NRXN3: variants seen among roughly 807,000 people sequenced by gnomAD.
NRXN3 encodes neurexin 3.
Under a neutral mutation model 137.6 loss-of-function variants are expected in NRXN3, and 32 were observed. The observed-to-expected ratio is 0.23, with a 90% CI of 0.18 to 0.31. The LOEUF is 0.31. Ranked by LOEUF, NRXN3 falls within the 10% of genes least tolerant of loss-of-function variation. NRXN3 has a pLI of 1.00. For synonymous variants in NRXN3, 798 were observed against 784.5 expected (o/e 1.02, Z -0.29); for missense variants, 1,574 against 2,062.5 (o/e 0.76, Z 4.59).
At chr14:79,145,882 T>C (rs2059256811) in intron 15 of NRXN3, among the ~76,000 whole-genome samples, 1 of 152,208 alleles carries the variant, frequency 6.6e-6, no homozygotes, top group South Asian at 2.1e-4. Flanking sequence ...AATACCTTCA[T>C]GGTTCTAGTT....
In NRXN3 at chr14:78,487,295, T is replaced by G. The variant is rs17107755; in HGVS notation, c.758-157825T>G. Among the ~76,000 whole-genome samples the G allele has an allele frequency of 8.0e-3, 1,214 of 152,192 alleles. 18 individuals are homozygous for G. Among genetic ancestry groups the G allele is most frequent in the African/African-American group, 0.028 (1,164 of 41,468 alleles). ...TTGACACACAAGTGGCTTTGTGTCA[T>G]TGCAACTCTGGAGGAGGCCAGGGCA... On this transcript the variant is annotated intron_variant, in intron 4 of 20. Transcript: ENST00000335750.
At chr14:78,340,043 G>T (rs1317968735) in intron 4 of NRXN3, among the ~76,000 whole-genome samples, 2 of 152,192 alleles carry the variant, frequency 1.3e-5, no homozygotes, top group African/African-American at 4.8e-5. Context: ...TAGCAAAAAA[G>T]AAAGCTGTTC....
intron 4 of NRXN3, among the ~76,000 whole-genome samples, chr14:78,457,127 C>A (rs1465554950): frequency 6.7e-6 from 1 of 149,724 alleles, no homozygotes; most frequent in African/African-American, 2.5e-5. Flanking sequence ...CAACCTCTGT[C>A]TCCTGGGTTC....
At chr14:79,488,251 G>T (rs549163331) in intron 16 of NRXN3, among the ~76,000 whole-genome samples, 67 of 152,288 alleles carry the variant, frequency 4.4e-4, no homozygotes, top group Admixed American at 2.9e-3. Context: ...GAAGACCTGA[G>T]TTTCATTTCT....
At chr14:78,902,157 TTC>T (rs138039101) in intron 10 of NRXN3, among the ~76,000 whole-genome samples, 2,659 of 152,182 alleles carry the variant, frequency 0.017, 79 homozygotes, top group East Asian at 0.14. Context: ...TGCAAAAGAA[TTC>T]TGTTTTCTGG....
intron 10 of NRXN3, among the ~76,000 whole-genome samples, chr14:78,818,755 A>T (rs1796326826): frequency 6.6e-6 from 1 of 152,100 alleles, no homozygotes; most frequent in Admixed American, 6.6e-5. Flanking sequence ...CATTTTAGGA[A>T]TTTATACTGC....
chr14:79,791,416 G>A (rs976967832), intron 19 of NRXN3, among the ~76,000 whole-genome samples: 1 of 146,756 alleles, frequency 6.8e-6, no homozygotes, highest in Non-Finnish European at 1.5e-5. Context: ...GCTTAATTTG[G>A]CTCCTATAAT....
At chr14:78,866,504 A>G (rs1213249557) in intron 10 of NRXN3, among the ~76,000 whole-genome samples, 3 of 152,204 alleles carry the variant, frequency 2.0e-5, no homozygotes, top group East Asian at 1.9e-4. Context: ...ATTTATGATG[A>G]ATGAACACAG....
At chr14:79,045,395 G>A (rs2152549553) in intron 15 of NRXN3, among the ~76,000 whole-genome samples, 1 of 152,270 alleles carries the variant, frequency 6.6e-6, no homozygotes. Context: ...ATGACAGCTT[G>A]ATGGGACTGT....
chr14:78,957,439 C>T (rs2099398966), intron 11 of NRXN3, 78 bp downstream of exon 11: 1 of 1,511,580 alleles, frequency 6.6e-7, no homozygotes, highest in African/African-American at 1.4e-5. Context: ...CAGTGTTTTG[C>T]AAAACCTTTT....
chr14:79,439,291 A>G (rs1027627361), intron 15 of NRXN3, among the ~76,000 whole-genome samples: 1 of 152,272 alleles, frequency 6.6e-6, no homozygotes, highest in African/African-American at 2.4e-5. Context: ...AGAAAGCATT[A>G]AATTTTGAGG....
chr14:79,467,551 C>A, intron 16 of NRXN3, 149 bp downstream of exon 16: 1 of 693,080 alleles, frequency 1.4e-6, no homozygotes, highest in Non-Finnish European at 2.2e-6. Context: ...ATCATATTTA[C>A]AGGGTTCCTG....
intron 20 of NRXN3, among the ~76,000 whole-genome samples, chr14:79,813,452 A>C (rs1351113929): frequency 6.6e-6 from 1 of 152,108 alleles, no homozygotes. Flanking sequence ...TTTCATATTT[A>C]CTATTTTGAT....
intron 4 of NRXN3, among the ~76,000 whole-genome samples, chr14:78,542,768 A>C (rs1258975612): frequency 6.6e-6 from 1 of 152,200 alleles, no homozygotes; most frequent in Non-Finnish European, 1.5e-5. Flanking sequence ...CATCTTCTGC[A>C]TCGATCACAC....
intron 1 of NRXN3, among the ~76,000 whole-genome samples, chr14:78,236,736 C>CA (rs1567041931): frequency 1.0e-4 from 15 of 145,576 alleles, no homozygotes. Context: ...TATTCCCCCC[C>CA]CCCTTTTTTT....
At chr14:79,600,893 A>G (rs1256751698) in intron 16 of NRXN3, among the ~76,000 whole-genome samples, 8 of 151,704 alleles carry the variant, frequency 5.3e-5, no homozygotes, top group Non-Finnish European at 7.4e-5. Context: ...AGGAAGGAAG[A>G]CAAGGGAAGG....
chr14:79,403,072 A>G (rs971936634), intron 15 of NRXN3, among the ~76,000 whole-genome samples: 1 of 152,154 alleles, frequency 6.6e-6, no homozygotes, highest in Non-Finnish European at 1.5e-5. Context: ...GGTGAATGCC[A>G]TGTGCCATGA....
intron 9 of NRXN3, among the ~76,000 whole-genome samples, chr14:78,805,398 C>T (rs1567362741): frequency 6.6e-6 from 1 of 151,934 alleles, no homozygotes; most frequent in African/African-American, 2.4e-5. Flanking sequence ...TGGTATTCAA[C>T]CCTTCAAAGG....
At chr14:78,926,238 GA>G (rs2099290206) in intron 10 of NRXN3, among the ~76,000 whole-genome samples, 1 of 151,914 alleles carries the variant, frequency 6.6e-6, no homozygotes, top group Non-Finnish European at 1.5e-5. Flanking sequence ...ATATACCTAT[GA>G]TAAAGTTTAA....
Sources: gnomAD v4.1 joint callset for allele counts (sites outside exome capture counted in the v4.1 genomes callset) on GRCh38, gnomAD v4.1.1 for gene constraint, MANE v1.5 for transcripts, NCBI Gene and HGNC (gene_info 2026-07-23, HGNC 2026-07-21) for gene names.